The following TMEM132C variants were observed in gnomAD, a reference collection of about 807,000 sequenced individuals.
TMEM132C encodes the protein protein phosphatase 1, regulatory subunit 152.
Under a neutral mutation model 61.4 loss-of-function variants are expected in TMEM132C, and 29 were observed. The observed-to-expected ratio is 0.47, with a 90% CI of 0.35 to 0.64. The LOEUF is 0.64. Among genes scored for constraint, TMEM132C ranks in the 30% least tolerant of loss-of-function variants. TMEM132C has a pLI of 0.00. For missense variants in TMEM132C, 1,408 were observed against 1,476.9 expected (o/e 0.95, Z 0.76); for synonymous variants, 656 against 633.1 (o/e 1.04, Z -0.54).
chr12:128,466,963 G>A (rs1405298091), intron 2 of TMEM132C, among the ~76,000 whole-genome samples: 1 of 152,156 alleles, frequency 6.6e-6, no homozygotes, highest in East Asian at 1.9e-4. Context: ...TAAAGACTTT[G>A]CCGAGCTTTT....
At chr12:128,541,630 G>A (rs969431937) in intron 2 of TMEM132C, among the ~76,000 whole-genome samples, 4 of 152,206 alleles carry the variant, frequency 2.6e-5, no homozygotes, top group African/African-American at 4.8e-5. Context: ...TTTATATCAC[G>A]TAGAGACTTT....
At chr12:128,393,437 C>T (rs942241043) in intron 1 of TMEM132C, among the ~76,000 whole-genome samples, 2 of 152,190 alleles carry the variant, frequency 1.3e-5, no homozygotes, top group South Asian at 2.1e-4. Context: ...GGCTTCACCA[C>T]CACAAGCTCA....
At chr12:128,456,812 T>TA (rs879266918) in intron 2 of TMEM132C, among the ~76,000 whole-genome samples, 1 of 152,220 alleles carries the variant, frequency 6.6e-6, no homozygotes, top group Non-Finnish European at 1.5e-5. Flanking sequence ...CCCTGCCAGA[T>TA]AACCCCATCT....
chr12:128,705,614 G>A lies in TMEM132C; in HGVS notation c.2646G>A (p.Glu882=). The A allele has an allele frequency of 2.6e-6, 4 of 1,551,014 alleles. No individual in the cohort carries two copies. The highest frequency in any genetic ancestry group is 3.5e-6 in the Non-Finnish European group (4 of 1,146,992). ...SRADGGRLAG[E]GQLQNIPIDF... ...CAGACGGGGGCAGGCTGGCAGGAGA[G>A]GGGCAGCTGCAGAACATCCCCATTG... is the stretch of plus-strand genomic sequence containing the variant. Residue 882 remains glutamate (E), a synonymous_variant, in exon 9 of 9, where the codon GAG becomes GAA. Coordinates refer to ENST00000435159, the MANE Select transcript of TMEM132C (RefSeq NM_001136103.3).
At chr12:128,513,132 G>C (rs898928309) in intron 2 of TMEM132C, among the ~76,000 whole-genome samples, 2 of 152,126 alleles carry the variant, frequency 1.3e-5, no homozygotes, top group African/African-American at 4.8e-5. Context: ...GCAGTTGCCA[G>C]AATGGACCCT....
At chr12:128,549,870 C>T (rs1593096543) in intron 3 of TMEM132C, among the ~76,000 whole-genome samples, 1 of 152,136 alleles carries the variant, frequency 6.6e-6, no homozygotes, top group South Asian at 2.1e-4. Context: ...GGAACCGAGA[C>T]ATGATGCATT....
intron 1 of TMEM132C, among the ~76,000 whole-genome samples, chr12:128,349,931 A>G (rs868752455): frequency 3.3e-5 from 5 of 150,640 alleles, no homozygotes; most frequent in African/African-American, 1.2e-4. Context: ...ACACACACAC[A>G]CACACACACA....
chr12:128,412,408 T>G (rs189203752), intron 1 of TMEM132C, among the ~76,000 whole-genome samples: 1 of 152,348 alleles, frequency 6.6e-6, no homozygotes, highest in Non-Finnish European at 1.5e-5. Flanking sequence ...GTTACATGAA[T>G]GAGACATTTG....
chr12:128,642,986 C>A (rs1392562302), intron 4 of TMEM132C, among the ~76,000 whole-genome samples: 2 of 152,208 alleles, frequency 1.3e-5, no homozygotes, highest in African/African-American at 4.8e-5. Context: ...ATGTTTGTGT[C>A]TTCTGATGCC....
rs557588642 is a variant in TMEM132C, at chr12:128,406,307, A to G, written c.86-8425A>G. ...TTGGGCTATTGGTCAAACTTGATGC[A>G]TTCCTCAAGTGTTGAATGAGTCGTC... On this transcript the variant is annotated intron_variant, in intron 1 of 8. Transcript: ENST00000435159. Among the ~76,000 whole-genome samples the G allele has an allele frequency of 2.9e-4, 44 of 152,348 alleles. 1 individual carries two copies. The highest frequency in any genetic ancestry group is 9.9e-4 in the African/African-American group (41 of 41,584).
chr12:128,360,027 G>A (rs1221561011), intron 1 of TMEM132C, among the ~76,000 whole-genome samples: 3 of 152,104 alleles, frequency 2.0e-5, no homozygotes, highest in Non-Finnish European at 2.9e-5. Flanking sequence ...GACAATCACT[G>A]TGGTGGGTTT....
chr12:128,345,765 G>GT (rs893538111), intron 1 of TMEM132C, among the ~76,000 whole-genome samples: 20 of 149,978 alleles, frequency 1.3e-4, no homozygotes, highest in South Asian at 1.3e-3. Flanking sequence ...GGGGTTGTTT[G>GT]TTTTTTTTTC....
intron 2 of TMEM132C, among the ~76,000 whole-genome samples, chr12:128,532,503 GTGGCAGGCACC>G (rs1484214456): frequency 6.6e-6 from 1 of 151,746 alleles, no homozygotes; most frequent in Non-Finnish European, 1.5e-5. Context: ...GCCGGGCGTG[GTGGCAGGCACC>G]TGTAATCCCA....
At chr12:128,479,219 G>T (rs1871246787) in intron 2 of TMEM132C, among the ~76,000 whole-genome samples, 1 of 152,196 alleles carries the variant, frequency 6.6e-6, no homozygotes, top group Non-Finnish European at 1.5e-5. Flanking sequence ...AGGGTGGAGG[G>T]TGCGAGGAGG....
rs1340211163 is a variant in TMEM132C at position 128,267,300 on chromosome 12, C to A, written c.-103C>A. On this transcript the variant is annotated 5_prime_UTR_variant, in exon 1 of 9. Coordinates refer to ENST00000435159, the MANE Select transcript of TMEM132C (RefSeq NM_001136103.3). ...CAGAGACGCAGCGGGCCCGGCCGAC[C>A]GGGCTGCGGGAGTGGCCCCGGGCAT... The A allele has an allele frequency of 1.4e-6, 1 of 739,404 alleles. No homozygotes were observed. Among genetic ancestry groups the A allele is most frequent in the African/African-American group, 1.9e-5 (1 of 51,842 alleles). 45.8% of individuals were successfully genotyped at this position (739,404 alleles called of 1,614,324 possible).
At chr12:128,462,154 G>A (rs1454506032) in intron 2 of TMEM132C, among the ~76,000 whole-genome samples, 1 of 152,104 alleles carries the variant, frequency 6.6e-6, no homozygotes, top group Non-Finnish European at 1.5e-5. Flanking sequence ...CACCCAGGCT[G>A]GAGTGCAGTG....
At chr12:128,649,514 G>A (rs577636829) in intron 4 of TMEM132C, among the ~76,000 whole-genome samples, 14 of 152,300 alleles carry the variant, frequency 9.2e-5, no homozygotes, top group African/African-American at 3.4e-4. Flanking sequence ...GATACCACAG[G>A]CCACTTTCAC....
chr12:128,491,736 G>C (rs1025527254), intron 2 of TMEM132C, among the ~76,000 whole-genome samples: 2 of 152,058 alleles, frequency 1.3e-5, no homozygotes, highest in African/African-American at 4.8e-5. Context: ...TCAAGGACGA[G>C]GTTGTACCGG....
In TMEM132C at chr12:128,278,277, A is replaced by G. The variant is rs1370284543; in HGVS notation, c.85+10790A>G. 6.6e-6 allele frequency among the ~76,000 whole-genome samples: 1 copy of G among 151,912 alleles called. No homozygotes were observed. The highest frequency in any genetic ancestry group is 1.5e-5 in the Non-Finnish European group (1 of 67,972). ...AGGTTCTTATCTTCAATTTTTGTAA[A>G]CCTTTTGGGTCACGACACAGCCCCG... On this transcript the variant is annotated intron_variant, in intron 1 of 8. Transcript: ENST00000435159. The surrounding 1 kb of genome is among the most constrained non-coding windows in gnomAD (Gnocchi z 4.2).
Sources: allele counts gnomAD v4.1 joint callset (sites outside exome capture counted in the v4.1 genomes callset), GRCh38; gene constraint gnomAD v4.1.1; non-coding constraint Gnocchi (gnomAD v3.1); transcripts MANE v1.5; gene names NCBI Gene and HGNC (gene_info 2026-07-23, HGNC 2026-07-21).